Variants in SAE1 observed in about 807,000 individuals in gnomAD.
SAE1 encodes the protein SUMO-activating enzyme subunit 1.
A neutral mutation model predicts 40.6 loss-of-function variants in SAE1; 11 were observed. The ratio of observed to expected loss-of-function variants is 0.27; its 90% CI spans 0.17 to 0.45. The LOEUF is 0.45. Among genes scored for constraint, SAE1 ranks in the 20% least tolerant of loss-of-function variants. The pLI is 1.00. For missense variants in SAE1, 373 were observed against 427.3 expected (o/e 0.87, Z 1.12); for synonymous variants, 155 against 154.3 (o/e 1.00, Z -0.03).
intron 8 of SAE1, among the ~76,000 whole-genome samples, chr19:47,208,606 A>G (rs1488540568): frequency 6.6e-6 from 1 of 152,002 alleles, no homozygotes; most frequent in Non-Finnish European, 1.5e-5. Flanking sequence ...CTGTATTTTT[A>G]GTAGAGACAG....
chr19:47,154,091 C>CTAT (rs961388690), intron 4 of SAE1, among the ~76,000 whole-genome samples: 3 of 145,776 alleles, frequency 2.1e-5, no homozygotes, highest in Non-Finnish European at 4.5e-5. Context: ...CCGCACCCGG[C>CTAT]TATTATTATT....
chr19:47,170,330 T>C (rs1450567991), intron 6 of SAE1, among the ~76,000 whole-genome samples: 1 of 151,598 alleles, frequency 6.6e-6, no homozygotes, highest in Admixed American at 6.6e-5. Flanking sequence ...TTCTGGTGTC[T>C]TAGTGTCCCC....
intron 7 of SAE1, among the ~76,000 whole-genome samples, chr19:47,198,501 A>G (rs1188461116): frequency 6.6e-6 from 1 of 152,098 alleles, no homozygotes; most frequent in African/African-American, 2.4e-5. Flanking sequence ...TCGGCTTTGC[A>G]GTGCCTCCAG....
chr19:47,180,118 T>C (rs1455843570), intron 6 of SAE1: 1 of 454,652 alleles, frequency 2.2e-6, no homozygotes, highest in Admixed American at 2.4e-5. Flanking sequence ...TGTATGCATA[T>C]CCACTTTTAC....
At chr19:47,192,003 G>C (rs1285275529) in intron 6 of SAE1, among the ~76,000 whole-genome samples, 1 of 150,622 alleles carries the variant, frequency 6.6e-6, no homozygotes, top group Non-Finnish European at 1.5e-5. Context: ...GCAGTGAGCC[G>C]AGATCGCGCC....
chr19:47,181,476 C>CTT (rs202245801), intron 6 of SAE1, among the ~76,000 whole-genome samples: 89 of 99,722 alleles, frequency 8.9e-4, no homozygotes, highest in South Asian at 1.3e-3. Flanking sequence ...TTTTCTTTTC[C>CTT]TTTTTTTTTT....
At chr19:47,187,722 A>G (rs763170640) in intron 6 of SAE1, among the ~76,000 whole-genome samples, 1 of 152,006 alleles carries the variant, frequency 6.6e-6, no homozygotes, top group Non-Finnish European at 1.5e-5. Flanking sequence ...GGGTTTCACC[A>G]TGTTGGCCAG....
At chr19:47,191,641 C>T (rs957389389) in intron 6 of SAE1, among the ~76,000 whole-genome samples, 6 of 152,138 alleles carry the variant, frequency 3.9e-5, no homozygotes, top group Admixed American at 2.6e-4. Context: ...GACTCTTGTG[C>T]GATCTTATTT....
At chr19:47,189,612 A>G (rs1217010694) in intron 6 of SAE1, among the ~76,000 whole-genome samples, 27 of 152,114 alleles carry the variant, frequency 1.8e-4, no homozygotes, top group Admixed American at 1.7e-3. Context: ...GGAGGAGTCT[A>G]CGTTCAGCTG....
chr19:47,132,112 G>A (rs1048960838), intron 1 of SAE1, among the ~76,000 whole-genome samples: 15 of 151,864 alleles, frequency 9.9e-5, no homozygotes, highest in Non-Finnish European at 2.1e-4. Flanking sequence ...ACAGGCTCGC[G>A]CCACCATGCC....
At chr19:47,200,850 G>A (rs1451428337) in intron 7 of SAE1, among the ~76,000 whole-genome samples, 2 of 151,848 alleles carry the variant, frequency 1.3e-5, no homozygotes, top group Admixed American at 1.3e-4. Context: ...TTATTATCTG[G>A]TTCTTTTGTT....
intron 6 of SAE1, among the ~76,000 whole-genome samples, chr19:47,178,358 T>C (rs2058483798): frequency 6.6e-6 from 1 of 152,214 alleles, no homozygotes; most frequent in Admixed American, 6.5e-5. Context: ...TAGGAGTGAC[T>C]TGCATGTCTG....
At chr19:47,173,320 T>C (rs1169044416) in intron 6 of SAE1, among the ~76,000 whole-genome samples, 2 of 152,120 alleles carry the variant, frequency 1.3e-5, no homozygotes, top group Non-Finnish European at 2.9e-5. Flanking sequence ...GGAACAACCA[T>C]GCACCACTGC....
intron 5 of SAE1, among the ~76,000 whole-genome samples, chr19:47,155,497 G>A (rs567942985): frequency 1.3e-5 from 2 of 152,000 alleles, no homozygotes; most frequent in African/African-American, 4.8e-5. Context: ...ATTTTTTCTT[G>A]TCGCTCAGGC....
intron 6 of SAE1, among the ~76,000 whole-genome samples, chr19:47,186,557 G>T (rs1007082695): frequency 6.6e-6 from 1 of 152,026 alleles, no homozygotes; most frequent in Non-Finnish European, 1.5e-5. Flanking sequence ...TTCTTGCTTG[G>T]GTTGAGTCAT....
At chr19:47,154,641 CCCA>C (rs2058309512) in intron 4 of SAE1, among the ~76,000 whole-genome samples, 1 of 151,216 alleles carries the variant, frequency 6.6e-6, no homozygotes, top group Non-Finnish European at 1.5e-5. Context: ...ATTACAGGCG[CCCA>C]CCACCACGCC....
At chr19:47,188,042 C>G (rs1337588504) in intron 6 of SAE1, among the ~76,000 whole-genome samples, 2 of 152,080 alleles carry the variant, frequency 1.3e-5, no homozygotes, top group South Asian at 2.1e-4. Flanking sequence ...TTCATTTCCA[C>G]AGGTGAATAT....
chr19:47,168,179 G>A (rs900948119), intron 5 of SAE1, among the ~76,000 whole-genome samples: 1 of 152,004 alleles, frequency 6.6e-6, no homozygotes, highest in Non-Finnish European at 1.5e-5. Flanking sequence ...GTGACAGAGG[G>A]GGAGACTGTC....
chr19:47,167,533 C>A (rs144025676), intron 5 of SAE1, among the ~76,000 whole-genome samples: 1 of 152,186 alleles, frequency 6.6e-6, no homozygotes, highest in Non-Finnish European at 1.5e-5. Flanking sequence ...AGCCACTGCG[C>A]CCAGCCAACA....
Sources: gnomAD v4.1 joint callset for allele counts (sites outside exome capture counted in the v4.1 genomes callset) on GRCh38, gnomAD v4.1.1 for gene constraint, MANE v1.5 for transcripts, NCBI Gene and HGNC (gene_info 2026-07-23, HGNC 2026-07-21) for gene names.